Variants in GPC5 observed in about 807,000 individuals in gnomAD.
The protein encoded by GPC5 is glypican-5.
Under a neutral mutation model 53.9 loss-of-function variants are expected in GPC5, and 47 were observed. The observed-to-expected ratio is 0.87, with a 90% CI of 0.69 to 1.11. The LOEUF is 1.11. Among genes scored for constraint, GPC5 ranks in the 50% most tolerant of loss-of-function variants. The probability of loss-of-function intolerance (pLI) is 0.00; values close to 1 mark genes in which losing one functional copy is unlikely to be tolerated. For synonymous variants in GPC5, 286 were observed against 263.3 expected (o/e 1.09, Z -0.84); for missense variants, 748 against 713.1 (o/e 1.05, Z -0.56).
At chr13:92,338,667 A>G (rs1401300112) in intron 7 of GPC5, among the ~76,000 whole-genome samples, 6 of 152,124 alleles carry the variant, frequency 3.9e-5, no homozygotes, top group African/African-American at 9.6e-5. Flanking sequence ...GATTCCCACA[A>G]TATGAGATTC....
chr13:91,399,253 C>T, intron 1 of GPC5, 44 bp downstream of exon 1: 2 of 1,587,038 alleles, frequency 1.3e-6, no homozygotes. Flanking sequence ...GCGTCCGAGC[C>T]CGGCCTTCGC....
intron 7 of GPC5, among the ~76,000 whole-genome samples, chr13:92,170,613 C>G (rs9589444): frequency 0.52 from 78,274 of 151,238 alleles, 20,574 homozygotes; most frequent in South Asian, 0.72. Flanking sequence ...TTAGTAGAAA[C>G]GGGGTTTCAC....
intron 2 of GPC5, among the ~76,000 whole-genome samples, chr13:91,566,480 T>G (rs1319679419): frequency 2.6e-5 from 4 of 152,080 alleles, no homozygotes; most frequent in Admixed American, 2.0e-4. Context: ...GGGGAATCAC[T>G]TGAACCCAGG....
At chr13:92,439,224 A>G (rs1877447825) in intron 7 of GPC5, among the ~76,000 whole-genome samples, 1 of 152,208 alleles carries the variant, frequency 6.6e-6, no homozygotes, top group South Asian at 2.1e-4. Flanking sequence ...CTAGAGGAAG[A>G]ACCAGGCAAT....
At chr13:91,958,864 G>A (rs1472894465) in intron 6 of GPC5, among the ~76,000 whole-genome samples, 1 of 151,884 alleles carries the variant, frequency 6.6e-6, no homozygotes, top group Non-Finnish European at 1.5e-5. Context: ...CAAATCTATG[G>A]AATACAGCAA....
At chr13:91,660,479 G>A (rs373561713) in intron 2 of GPC5, among the ~76,000 whole-genome samples, 9 of 152,252 alleles carry the variant, frequency 5.9e-5, no homozygotes, top group South Asian at 2.1e-4. Flanking sequence ...CTGCATTCCC[G>A]GCAGATTCCC....
intron 7 of GPC5, among the ~76,000 whole-genome samples, chr13:92,554,325 C>A (rs192113246): frequency 5.3e-5 from 8 of 151,896 alleles, no homozygotes; most frequent in African/African-American, 1.4e-4. Flanking sequence ...AATAATGGTT[C>A]TTTTCAGTAT....
chr13:92,510,042 G>A (rs1259355457), intron 7 of GPC5: 3 of 151,964 alleles, frequency 2.0e-5, no homozygotes, highest in African/African-American at 7.3e-5. Context: ...AACATAAATA[G>A]GGTTACCATC....
At chr13:92,332,719 C>G (rs977286243) in intron 7 of GPC5, among the ~76,000 whole-genome samples, 3 of 152,254 alleles carry the variant, frequency 2.0e-5, no homozygotes, top group East Asian at 3.9e-4. Flanking sequence ...CAGAAAAAGA[C>G]TATTGTCCAA....
intron 7 of GPC5, among the ~76,000 whole-genome samples, chr13:92,409,452 G>T (rs1875444958): frequency 1.3e-5 from 2 of 151,860 alleles, no homozygotes; most frequent in African/African-American, 4.8e-5. Context: ...AGAATTATAA[G>T]GTGCTATGCC....
intron 7 of GPC5, among the ~76,000 whole-genome samples, chr13:92,528,100 G>T (rs1881430121): frequency 6.6e-6 from 1 of 151,966 alleles, no homozygotes; most frequent in South Asian, 2.1e-4. Flanking sequence ...AATCACTAGA[G>T]AATTGAAACC....
chr13:91,556,517 T>C (rs2030955872), intron 2 of GPC5, among the ~76,000 whole-genome samples: 1 of 145,712 alleles, frequency 6.9e-6, no homozygotes, highest in African/African-American at 2.7e-5. Context: ...GAAATTGCAG[T>C]ATGTGTATAT....
chr13:91,786,831 A>C (rs186955), intron 5 of GPC5, among the ~76,000 whole-genome samples: 1 of 152,070 alleles, frequency 6.6e-6, no homozygotes, highest in Non-Finnish European at 1.5e-5. Context: ...CTTTCAATCT[A>C]TAAATGTTTC....
At chr13:91,711,978 G>GA (rs1169320543) in intron 3 of GPC5, among the ~76,000 whole-genome samples, 3 of 152,164 alleles carry the variant, frequency 2.0e-5, no homozygotes, top group Non-Finnish European at 2.9e-5. Flanking sequence ...AGGACTCTAA[G>GA]AACACGGTTC....
chr13:92,035,391 T>TA (rs952525517), intron 6 of GPC5, among the ~76,000 whole-genome samples: 2 of 152,134 alleles, frequency 1.3e-5, no homozygotes, highest in Non-Finnish European at 2.9e-5. Flanking sequence ...TTATTTTGTT[T>TA]ATATGTCTTT....
At chr13:92,069,055 A>G (rs967952297) in intron 6 of GPC5, among the ~76,000 whole-genome samples, 1 of 152,014 alleles carries the variant, frequency 6.6e-6, no homozygotes, top group African/African-American at 2.4e-5. Flanking sequence ...ACATAAGGTC[A>G]GAATCCAACT....
chr13:92,230,226 A>G (rs2042519880), intron 7 of GPC5, among the ~76,000 whole-genome samples: 1 of 152,174 alleles, frequency 6.6e-6, no homozygotes, highest in Non-Finnish European at 1.5e-5. Context: ...ATTATAAAAT[A>G]TGTTCTCATA....
chr13:92,405,545 A>G (rs1192450308), intron 7 of GPC5, among the ~76,000 whole-genome samples: 1 of 152,214 alleles, frequency 6.6e-6, no homozygotes, highest in Non-Finnish European at 1.5e-5. Flanking sequence ...CTTCCTTAAC[A>G]TGAACATTGA....
At chr13:92,325,989 T>C (rs1278956223) in intron 7 of GPC5, among the ~76,000 whole-genome samples, 1 of 152,076 alleles carries the variant, frequency 6.6e-6, no homozygotes, top group Non-Finnish European at 1.5e-5. Flanking sequence ...ATGTGTGTAG[T>C]TCATTATATG....
Sources: allele counts gnomAD v4.1 joint callset (sites outside exome capture counted in the v4.1 genomes callset), GRCh38; gene constraint gnomAD v4.1.1; transcripts MANE v1.5; gene names NCBI Gene and HGNC (gene_info 2026-07-23, HGNC 2026-07-21).